Variants in CHD5 observed in about 807,000 individuals in gnomAD.
CHD5 encodes chromodomain helicase DNA binding protein 5, also known as ATP-dependent chromatin remodeler CHD5.
Under a neutral mutation model 230.3 loss-of-function variants are expected in CHD5, and 69 were observed. The ratio of observed to expected loss-of-function variants is 0.30; its 90% CI spans 0.25 to 0.37. The LOEUF is 0.37. Ranked by LOEUF, CHD5 falls within the 10% of genes least tolerant of loss-of-function variation. The probability of loss-of-function intolerance (pLI) is 1.00; values close to 1 mark genes in which losing one functional copy is unlikely to be tolerated. For synonymous variants in CHD5, 1,064 were observed against 1,065.9 expected, an observed-to-expected ratio of 1.00 and a Z score of 0.03; for missense variants, 1,827 against 2,622.8, an observed-to-expected ratio of 0.70 and a Z score of 6.63.
In CHD5 at chr1:6,129,606, G is replaced by A. The variant is rs150264930; in HGVS notation, c.3388-537C>T. 9.9e-5 allele frequency among the ~76,000 whole-genome samples: 15 copies of A among 152,236 alleles called. No individual in the cohort carries two copies. Among genetic ancestry groups the A allele is most frequent in the Admixed American group, 2.6e-4 (4 of 15,310 alleles). Reference sequence around the variant, plus strand: ...TGTATATCTGTGTATGTGCATGGGCGCACACACATGTGAATGAGACATCAA... The same window carrying A: ...TGTATATCTGTGTATGTGCATGGGCACACACACATGTGAATGAGACATCAA... On this transcript the variant is annotated intron_variant, in intron 22 of 41. Coordinates refer to ENST00000262450, the MANE Select transcript of CHD5 (RefSeq NM_015557.3). This position sits in a 1 kb window ranked among gnomAD's most constrained non-coding sequence, Gnocchi z 6.8.
At chr1:6,143,355 C>T (rs2100858107) in intron 13 of CHD5, among the ~76,000 whole-genome samples, 1 of 152,328 alleles carries the variant, frequency 6.6e-6, no homozygotes, top group African/African-American at 2.4e-5. Flanking sequence ...GATCCTGCTC[C>T]AGGTCACTGG....
Position 6,155,819 on chromosome 1 carries a change from G to A in CHD5, c.388-102C>T. 1.2e-6 allele frequency: 1 copy of A among 847,528 alleles called. No homozygotes were observed. Among genetic ancestry groups the A allele is most frequent in the Non-Finnish European group, 1.9e-6 (1 of 518,752 alleles). The allele number at this position is 847,528 out of a possible 1,614,324, so 52.5% of individuals were successfully genotyped here. On this transcript the variant is annotated intron_variant, in intron 3 of 41. Transcript: ENST00000262450. The surrounding 1 kb of genome is among the most constrained non-coding windows in gnomAD (Gnocchi z 4.0). Reference sequence around the variant, plus strand: ...AGGAGGCTTTGGCACAGGGGAAAGAGGAGGGGTTGTGTCTGCAATGTAACC... The same window carrying A: ...AGGAGGCTTTGGCACAGGGGAAAGAAGAGGGGTTGTGTCTGCAATGTAACC...
intron 38 of CHD5, among the ~76,000 whole-genome samples, chr1:6,108,816 G>A (rs1254359552): frequency 6.7e-6 from 1 of 148,862 alleles, no homozygotes; most frequent in African/African-American, 2.5e-5. Flanking sequence ...AGGATGGAGG[G>A]ATAAGGGATG....
Position 6,142,397 on chromosome 1 carries a change from C to T in CHD5, c.2235+17G>A, listed in dbSNP as rs776342017. 2 of 1,598,350 alleles carry T rather than the reference C, an allele frequency of 1.3e-6. No individual in the cohort carries two copies. The highest frequency in any genetic ancestry group is 1.7e-6 in the Non-Finnish European group (2 of 1,168,520). Reference sequence around the variant, plus strand: ...AGGACCAGCCACCCCTCCTGGCCGCCTGCCCCGCCTGCCCACCTCCTTGTA... The same window carrying T: ...AGGACCAGCCACCCCTCCTGGCCGCTTGCCCCGCCTGCCCACCTCCTTGTA... On this transcript the variant is annotated intron_variant, in intron 14 of 41. Transcript: ENST00000262450. This position sits in a 1 kb window ranked among gnomAD's most constrained non-coding sequence, Gnocchi z 5.2.
In CHD5 at chr1:6,106,552, C is replaced by T. The variant is rs756875710; in HGVS notation, c.5743-43G>A. 3.2e-6 allele frequency: 5 copies of T among 1,550,034 alleles called. No individual in the cohort carries two copies. In the Admixed American group the frequency reaches 5.9e-5, roughly 18 times the overall value. On this transcript the variant is annotated intron_variant, in intron 39 of 41. Coordinates refer to ENST00000262450, the MANE Select transcript of CHD5 (RefSeq NM_015557.3). The stretch of plus-strand genomic sequence containing the variant: ...GCTTCACAGGTGGTCTCAGGCCCCC[C>T]ACCCAGCCTCCACCCAGGGGCACGC...
chr1:6,120,526 G>A (rs1380659007), intron 33 of CHD5, among the ~76,000 whole-genome samples: 9 of 150,718 alleles, frequency 6.0e-5, no homozygotes, highest in South Asian at 4.2e-4. Context: ...AAAAATGGCC[G>A]GGCGCAGTGG....
rs907284775 is a variant in CHD5, at chr1:6,155,983, A to G, written c.388-266T>C. Among the ~76,000 whole-genome samples, 1 of 152,250 alleles carries G rather than the reference A, an allele frequency of 6.6e-6. No individual in the cohort carries two copies. Among genetic ancestry groups the G allele is most frequent in the East Asian group, 1.9e-4 (1 of 5,194 alleles). On this transcript the variant is annotated intron_variant, in intron 3 of 41. Coordinates refer to ENST00000262450, the MANE Select transcript of CHD5 (RefSeq NM_015557.3). The surrounding 1 kb of genome is among the most constrained non-coding windows in gnomAD (Gnocchi z 4.0). ...CGACGTCAGGGTTTGGGGAGAGGCCATGTGTGTGCCCTGAACTTCCAGAAA... is the reference window on the plus strand; with the variant it reads ...CGACGTCAGGGTTTGGGGAGAGGCCGTGTGTGTGCCCTGAACTTCCAGAAA...
chr1:6,149,123 C>G, intron 8 of CHD5, 48 bp from the exon 9 acceptor site: 1 of 1,470,394 alleles, frequency 6.8e-7, no homozygotes, highest in Non-Finnish European at 9.0e-7. Flanking sequence ...GTCCCCGCTC[C>G]ACCAGGCCCG....
chr1:6,173,100 C>T (rs1157317033), intron 1 of CHD5, among the ~76,000 whole-genome samples: 1 of 141,376 alleles, frequency 7.1e-6, no homozygotes, highest in Non-Finnish European at 1.5e-5. Flanking sequence ...TGGGGAGAGG[C>T]GTTATTTCTT....
At chr1:6,175,178 G>A (rs1358484978) in intron 1 of CHD5, among the ~76,000 whole-genome samples, 1 of 148,270 alleles carries the variant, frequency 6.7e-6, no homozygotes, top group African/African-American at 2.5e-5. Flanking sequence ...GATGGTGGGT[G>A]GATGAATGAG....
chr1:6,139,016 T>G (rs889514741), intron 15 of CHD5, among the ~76,000 whole-genome samples: 1 of 152,286 alleles, frequency 6.6e-6, no homozygotes. Flanking sequence ...GACAAAAAGA[T>G]AGATGTTTCC....
In CHD5 at chr1:6,146,136, A is replaced by G; in HGVS notation, c.1802+76T>C. ...CAAGGGCCCTGGCACCCTGCGCTGC[A>G]CCCATTTTACAGGGCAAAGAAGCTG... On this transcript the variant is annotated intron_variant, in intron 11 of 41. Transcript: ENST00000262450. The surrounding 1 kb of genome is among the most constrained non-coding windows in gnomAD (Gnocchi z 5.1). 1 of 1,441,642 alleles carries G rather than the reference A, an allele frequency of 6.9e-7. No individual in the cohort carries two copies. The highest frequency in any genetic ancestry group is 9.6e-7 in the Non-Finnish European group (1 of 1,040,020). 89.3% of individuals were successfully genotyped at this position (1,441,642 alleles called of 1,614,324 possible).
At chr1:6,168,314 G>A in intron 1 of CHD5, 37 bp from the exon 2 acceptor site, 1 of 1,573,056 alleles carries the variant, frequency 6.4e-7, no homozygotes, top group Non-Finnish European at 8.7e-7. Context: ...TTACTCCTGA[G>A]CTTCCTCCAG....
intron 2 of CHD5, 135 bp from the exon 3 acceptor site, chr1:6,159,650 C>T: frequency 2.8e-6 from 2 of 709,480 alleles, no homozygotes; most frequent in African/African-American, 3.6e-5. Context: ...CACTCATCAT[C>T]AGAGGCCACT....
chr1:6,136,730 T>TG lies in CHD5; in HGVS notation c.2571dup (p.Lys858GlnfsTer4). On this transcript the variant is annotated frameshift_variant, in exon 16 of 42. Coordinates refer to ENST00000262450, the MANE Select transcript of CHD5 (RefSeq NM_015557.3). LOFTEE classifies it high-confidence loss of function. The stretch of plus-strand genomic sequence containing the variant: ...GTCTGGCGGCCAGCGCCACCTACCT[T>TG]GGACTGGTTGTTCTTGAGGCGGTGG... 1 of 1,612,278 alleles carries TG rather than the reference T, an allele frequency of 6.2e-7. No homozygotes were observed. Among genetic ancestry groups the TG allele is most frequent in the East Asian group, 2.2e-5 (1 of 44,806 alleles).
intron 35 of CHD5, 83 bp from the exon 36 acceptor site, chr1:6,111,966 A>G: frequency 7.1e-7 from 1 of 1,412,346 alleles, no homozygotes; most frequent in Non-Finnish European, 9.9e-7. Context: ...CTCCCTCCCT[A>G]CTTGCCACTG....
chr1:6,127,952 G>A, intron 25 of CHD5, 94 bp downstream of exon 25: 2 of 1,141,636 alleles, frequency 1.8e-6, no homozygotes, highest in African/African-American at 1.5e-5. Context: ...TGCGGCGGGA[G>A]GGCGGGGTCA....
In CHD5 at chr1:6,129,151, C is replaced by T; in HGVS notation, c.3388-82G>A. ...GAGATCACACCCATGAGCTCAAGAGCATGGAATGGGCTGCATGACTGTGTA... is the reference window on the plus strand; with the variant it reads ...GAGATCACACCCATGAGCTCAAGAGTATGGAATGGGCTGCATGACTGTGTA... On this transcript the variant is annotated intron_variant, in intron 22 of 41. Coordinates refer to ENST00000262450, the MANE Select transcript of CHD5 (RefSeq NM_015557.3). The surrounding 1 kb of genome is among the most constrained non-coding windows in gnomAD (Gnocchi z 6.8). 2 of 939,092 alleles carry T rather than the reference C, an allele frequency of 2.1e-6. No homozygotes were observed. Among genetic ancestry groups the T allele is most frequent in the Non-Finnish European group, 3.3e-6 (2 of 606,566 alleles). The allele number at this position is 939,092 out of a possible 1,614,324, so 58.2% of individuals were successfully genotyped here. A position where few individuals can be genotyped will look rare whatever the true frequency, so the allele number is the denominator to read the frequency against.
chr1:6,111,986 C>G (rs113883929), intron 35 of CHD5, 103 bp from the exon 36 acceptor site: 171 of 1,366,310 alleles, frequency 1.3e-4, no homozygotes, highest in African/African-American at 2.4e-4. Flanking sequence ...GCCTCCACCC[C>G]CAGAGGTCCA....
Sources: gnomAD v4.1 joint callset for allele counts (sites outside exome capture counted in the v4.1 genomes callset) on GRCh38, gnomAD v4.1.1 for gene constraint, Gnocchi (gnomAD v3.1) non-coding constraint, MANE v1.5 for transcripts, NCBI Gene and HGNC (gene_info 2026-07-23, HGNC 2026-07-21) for gene names.